The following COL20A1 variants were observed in gnomAD, a reference collection of about 807,000 sequenced individuals.
COL20A1 encodes collagen alpha-1(XX) chain.
Under a neutral mutation model 152.9 loss-of-function variants are expected in COL20A1, and 164 were observed. The observed-to-expected ratio is 1.07, with a 90% CI of 0.94 to 1.22. The LOEUF is 1.22. Ranked by LOEUF, COL20A1 falls within the 50% of genes most tolerant of loss-of-function variation. The probability of loss-of-function intolerance (pLI) is 0.00; values close to 1 mark genes in which losing one functional copy is unlikely to be tolerated. For synonymous variants in COL20A1, 864 were observed against 756.0 expected, an observed-to-expected ratio of 1.14 and a Z score of -2.34; for missense variants, 1,873 against 1,744.8, an observed-to-expected ratio of 1.07 and a Z score of -1.31.
rs116462805 is a variant in COL20A1 at position 63,320,934 on chromosome 20, A to G, written c.3154-79A>G. 0.011 allele frequency: 12,876 copies of G among 1,122,256 alleles called. 862 individuals are homozygous for G. In the African/African-American group the frequency reaches 0.16, roughly 14 times the overall value. The allele number at this position is 1,122,256 out of a possible 1,614,324, so 69.5% of individuals were successfully genotyped here. On this transcript the variant is annotated intron_variant, in intron 25 of 35. Coordinates refer to ENST00000358894, the MANE Select transcript of COL20A1 (RefSeq NM_020882.4). Reference sequence around the variant, plus strand: ...GAAGTCTCCCTGGAGCCCAGGTGTCATTGGCTAATCTCAGCTCTAGGGTCA... The same window carrying G: ...GAAGTCTCCCTGGAGCCCAGGTGTCGTTGGCTAATCTCAGCTCTAGGGTCA...
At chr20:63,297,791 C>A in intron 2 of COL20A1, 119 bp from the exon 3 acceptor site, 3 of 724,676 alleles carry the variant, frequency 4.1e-6, no homozygotes, top group Non-Finnish European at 6.7e-6. Context: ...TCTTCGGGGT[C>A]CCCCGGGATA....
chr20:63,324,971 G>A (rs2068221798), intron 27 of COL20A1: 4 of 276,990 alleles, frequency 1.4e-5, no homozygotes, highest in East Asian at 1.3e-4. Context: ...CCCACACCCC[G>A]TTAGAACCCA....
intron 14 of COL20A1, 97 bp downstream of exon 14, chr20:63,312,152 C>T (rs927575258): frequency 4.6e-5 from 63 of 1,364,896 alleles, no homozygotes; most frequent in Non-Finnish European, 5.8e-5. Flanking sequence ...ATAACACATT[C>T]AAAACCACAG....
In COL20A1 at chr20:63,308,530, G is replaced by C. The variant is rs952632207; in HGVS notation, c.776-12G>C. 1 of 1,567,708 alleles carries C rather than the reference G, an allele frequency of 6.4e-7. No homozygotes were observed. The highest frequency in any genetic ancestry group is 1.9e-5 in the Admixed American group (1 of 53,584). On this transcript the variant is annotated splice_polypyrimidine_tract_variant and intron_variant, in intron 7 of 35. Transcript: ENST00000358894. Reference sequence around the variant, plus strand: ...GGCAGCTGCCTGTCACTTTATTCCTGCTGCTCCCAAGGCCTTGCCCTGACC... The same window carrying C: ...GGCAGCTGCCTGTCACTTTATTCCTCCTGCTCCCAAGGCCTTGCCCTGACC...
At chr20:63,294,510 G>C (rs982738799) in intron 1 of COL20A1, among the ~76,000 whole-genome samples, 15 of 151,906 alleles carry the variant, frequency 9.9e-5, no homozygotes, top group Non-Finnish European at 1.8e-4. Context: ...TCCCTGTCTC[G>C]GCCTCAGAGC....
intron 29 of COL20A1, 26 bp downstream of exon 29, chr20:63,325,747 C>T: frequency 6.2e-7 from 1 of 1,606,384 alleles, no homozygotes; most frequent in Non-Finnish European, 8.5e-7. Context: ...TTGGAGGGTT[C>T]TGTCAGGGTG....
intron 2 of COL20A1, among the ~76,000 whole-genome samples, chr20:63,296,246 GT>G (rs2123368547): frequency 6.6e-6 from 1 of 152,402 alleles, no homozygotes; most frequent in South Asian, 2.1e-4. Flanking sequence ...CCTGGGGCCA[GT>G]GGGGGCTGAG....
At chr20:63,327,163 T>G (rs1166598686) in intron 31 of COL20A1, 1 of 249,724 alleles carries the variant, frequency 4.0e-6, no homozygotes, top group African/African-American at 2.3e-5. Context: ...CCCAGGGACT[T>G]GTGTTTACCA....
intron 3 of COL20A1, among the ~76,000 whole-genome samples, chr20:63,299,117 A>G (rs1371543900): frequency 1.3e-5 from 2 of 152,198 alleles, no homozygotes; most frequent in Non-Finnish European, 2.9e-5. Context: ...TTTGCTGTAT[A>G]GTATTCCCCT....
At chr20:63,295,012 G>A (rs769518301) in intron 1 of COL20A1, 86 bp from the exon 2 acceptor site, 64 of 852,968 alleles carry the variant, frequency 7.5e-5, no homozygotes, top group Non-Finnish European at 1.0e-4. Flanking sequence ...CCTGGCCCTC[G>A]AGGATTTGGA....
In COL20A1 at chr20:63,325,783, G is replaced by C. The variant is rs567879368; in HGVS notation, c.3402+62G>C. 3.2e-5 allele frequency: 47 copies of C among 1,481,600 alleles called. No homozygotes were observed. In the African/African-American group the frequency reaches 5.5e-4, roughly 17 times the overall value. 91.8% of individuals were successfully genotyped at this position (1,481,600 alleles called of 1,614,324 possible). A position where few individuals can be genotyped will look rare whatever the true frequency, so the allele number is the denominator to read the frequency against. ...GTAGAGACTGGCCTGGGGACGGGGG[G>C]CCTTGGAGATGGAGGCTGTGGGGTA... On this transcript the variant is annotated intron_variant, in intron 29 of 35. Transcript: ENST00000358894.
At chr20:63,310,177 T>C (rs1182227473) in intron 10 of COL20A1, among the ~76,000 whole-genome samples, 2 of 152,034 alleles carry the variant, frequency 1.3e-5, no homozygotes, top group South Asian at 2.1e-4. Flanking sequence ...TCAGAGCGCC[T>C]TCTCCCTTTG....
chr20:63,316,705 G>A lies in COL20A1; in HGVS notation c.2663+14G>A, dbSNP rs760926480. 1.3e-6 allele frequency: 2 copies of A among 1,522,976 alleles called. No individual in the cohort carries two copies. Among genetic ancestry groups the A allele is most frequent in the African/African-American group, 1.4e-5 (1 of 72,150 alleles). The allele number at this position is 1,522,976 out of a possible 1,614,324, so 94.3% of individuals were successfully genotyped here. A position where few individuals can be genotyped will look rare whatever the true frequency, so the allele number is the denominator to read the frequency against. On this transcript the variant is annotated intron_variant, in intron 21 of 35. Transcript: ENST00000358894. ...AAGACGGGTCAGGTGTGAGGGCAAG[G>A]GCTGGGGTGGAGCTGGAAGCCCAGG...
intron 33 of COL20A1, 65 bp downstream of exon 33, chr20:63,328,192 G>A: frequency 1.3e-6 from 2 of 1,595,290 alleles, no homozygotes; most frequent in Non-Finnish European, 1.7e-6. Flanking sequence ...ACACCTGTCT[G>A]TCCTCACACT....
At chr20:63,300,692 C>A (rs1295969326) in intron 3 of COL20A1, among the ~76,000 whole-genome samples, 1 of 151,910 alleles carries the variant, frequency 6.6e-6, no homozygotes, top group African/African-American at 2.4e-5. Flanking sequence ...GTTTCTATTT[C>A]TTTTACTCTG....
At chr20:63,324,568 A>G (rs1156351059) in intron 27 of COL20A1, 3 of 152,304 alleles carry the variant, frequency 2.0e-5, no homozygotes, top group Non-Finnish European at 4.4e-5. Flanking sequence ...TAATGAAATG[A>G]CTGTGCGTCT....
chr20:63,308,143 C>A lies in COL20A1; in HGVS notation c.775+53C>A. 1.9e-6 allele frequency: 3 copies of A among 1,583,544 alleles called. No individual in the cohort carries two copies. In the South Asian group the frequency reaches 3.3e-5, roughly 18 times the overall value. On this transcript the variant is annotated intron_variant, in intron 7 of 35. Transcript: ENST00000358894. ...GTCCTGAGGGCGGACCTCCTTCTGC[C>A]GCCCTCCCAGATCCCGAAAGCTTGT... is the stretch of plus-strand genomic sequence containing the variant.
chr20:63,313,393 G>C lies in COL20A1; in HGVS notation c.2209+144G>C. The stretch of plus-strand genomic sequence containing the variant: ...CCCTGATCACTGGGCCTGGTCGTTG[G>C]AGTCTGCAGCACTTCCTTGAGCTCA... On this transcript the variant is annotated intron_variant, in intron 17 of 35. Coordinates refer to ENST00000358894, the MANE Select transcript of COL20A1 (RefSeq NM_020882.4). This position sits in a 1 kb window ranked among gnomAD's most constrained non-coding sequence, Gnocchi z 5.9. 1.1e-6 allele frequency: 1 copy of C among 934,074 alleles called. No homozygotes were observed. Among genetic ancestry groups the C allele is most frequent in the Non-Finnish European group, 1.6e-6 (1 of 637,638 alleles). 57.9% of individuals were successfully genotyped at this position (934,074 alleles called of 1,614,324 possible).
rs776414333 is a variant in COL20A1, at chr20:63,308,712, C to T, written c.940+6C>T. 1.8e-5 allele frequency: 29 copies of T among 1,585,076 alleles called. No individual in the cohort carries two copies. Among genetic ancestry groups the T allele is most frequent in the Non-Finnish European group, 2.5e-5 (29 of 1,163,900 alleles). The stretch of plus-strand genomic sequence containing the variant: ...CGTGAACGTCTTCGCTGTGGGTGAG[C>T]ACCATGCGGCTCCCCCGGCCCTGGA... On this transcript the variant is annotated splice_donor_region_variant and intron_variant, in intron 8 of 35. Transcript: ENST00000358894.
Sources: gnomAD v4.1 joint callset for allele counts (sites outside exome capture counted in the v4.1 genomes callset) on GRCh38, gnomAD v4.1.1 for gene constraint, Gnocchi (gnomAD v3.1) non-coding constraint, MANE v1.5 for transcripts, NCBI Gene and HGNC (gene_info 2026-07-23, HGNC 2026-07-21) for gene names.